The following UBA6 variants were observed in gnomAD, a reference collection of about 807,000 sequenced individuals.
The protein encoded by UBA6 is ubiquitin like modifier activating enzyme 6, also known as ubiquitin-like modifier-activating enzyme 6.
Under a neutral mutation model 148.3 loss-of-function variants are expected in UBA6, and 87 were observed. That is an observed-to-expected ratio of 0.59 (90% CI 0.49 to 0.70). UBA6 has a LOEUF of 0.70. Ranked by LOEUF, UBA6 falls within the 30% of genes least tolerant of loss-of-function variation. UBA6 has a pLI of 0.00. For synonymous variants in UBA6, 376 were observed against 401.0 expected (o/e 0.94, Z 0.75); for missense variants, 1,186 against 1,241.2 (o/e 0.96, Z 0.67).
At chr4:67,689,911 T>C (rs1393810244) in intron 2 of UBA6, among the ~76,000 whole-genome samples, 3 of 152,112 alleles carry the variant, frequency 2.0e-5, no homozygotes, top group Admixed American at 2.0e-4. Flanking sequence ...TTAGAAAAGC[T>C]CATGGTCTGA....
In UBA6 at chr4:67,652,478, T is replaced by C. The variant is rs546762457; in HGVS notation, c.1105-3267A>G. 2.6e-5 allele frequency among the ~76,000 whole-genome samples: 4 copies of C among 152,296 alleles called. No individual in the cohort carries two copies. In the South Asian group the frequency reaches 6.2e-4, roughly 24 times the overall value. On this transcript the variant is annotated intron_variant, in intron 13 of 32. Coordinates refer to ENST00000322244, the MANE Select transcript of UBA6 (RefSeq NM_018227.6). ...AGCACAACTGAAATTCTCATACACT[T>C]CTGGTGAGAATACAAAACGGTACAG...
At chr4:67,631,286 C>T (rs1173700907) in intron 25 of UBA6, among the ~76,000 whole-genome samples, 1 of 152,138 alleles carries the variant, frequency 6.6e-6, no homozygotes, top group Middle Eastern at 3.4e-3. Context: ...ATAGTGTTTC[C>T]AGGTATTCAC....
Position 67,618,902 on chromosome 4 carries a change from T to A in UBA6, c.*95A>T. On this transcript the variant is annotated 3_prime_UTR_variant, in exon 33 of 33. Coordinates refer to ENST00000322244, the MANE Select transcript of UBA6 (RefSeq NM_018227.6). ...AAATTAAGGCTTAATGAAAGAGAAA[T>A]CCATAGTATTATGAACTGATTTTCT... The A allele has an allele frequency of 1.6e-6, 2 of 1,223,082 alleles. No individual in the cohort carries two copies. The highest frequency in any genetic ancestry group is 2.3e-6 in the Non-Finnish European group (2 of 880,326). The allele number at this position is 1,223,082 out of a possible 1,614,324, so 75.8% of individuals were successfully genotyped here.
intron 13 of UBA6, among the ~76,000 whole-genome samples, chr4:67,653,064 T>C (rs1483335056): frequency 6.6e-6 from 1 of 152,190 alleles, no homozygotes; most frequent in Non-Finnish European, 1.5e-5. Context: ...CAGCAAGGCC[T>C]ACTGCCTCTA....
chr4:67,633,480 T>C lies in UBA6; in HGVS notation c.2014-7A>G, dbSNP rs745349573. On this transcript the variant is annotated splice_region_variant and splice_polypyrimidine_tract_variant and intron_variant, in intron 22 of 32. Coordinates refer to ENST00000322244, the MANE Select transcript of UBA6 (RefSeq NM_018227.6). ...TGTGTCCACTCTGTATCTTCTAGAA[T>C]GGGAGAGAAAAAAAAAATCAACATA... 4 of 1,571,720 alleles carry C rather than the reference T, an allele frequency of 2.5e-6. No individual in the cohort carries two copies. The highest frequency in any genetic ancestry group is 2.6e-6 in the Non-Finnish European group (3 of 1,168,170).
At chr4:67,678,009 G>A (rs1168522868) in intron 5 of UBA6, among the ~76,000 whole-genome samples, 2 of 146,360 alleles carry the variant, frequency 1.4e-5, no homozygotes, top group African/African-American at 2.5e-5. Flanking sequence ...CAACACTAAA[G>A]TCCTTCTTTA....
chr4:67,662,415 A>T, intron 12 of UBA6, 160 bp from the exon 13 acceptor site: 2 of 541,906 alleles, frequency 3.7e-6, no homozygotes, highest in South Asian at 6.2e-5. Flanking sequence ...ATTGGCTTAT[A>T]AATACATTAC....
At chr4:67,676,019 C>CTTT (rs397878783) in intron 6 of UBA6, among the ~76,000 whole-genome samples, 6 of 117,140 alleles carry the variant, frequency 5.1e-5, no homozygotes, top group Admixed American at 8.9e-5. Flanking sequence ...ATAGTACTAC[C>CTTT]TTTTTTTTTT....
At chr4:67,672,292 A>C (rs1730167268) in intron 7 of UBA6, among the ~76,000 whole-genome samples, 1 of 152,246 alleles carries the variant, frequency 6.6e-6, no homozygotes, top group Non-Finnish European at 1.5e-5. Flanking sequence ...AAGAATATAC[A>C]TATTCCATTG....
rs557228456 is a variant in UBA6 at position 67,669,929 on chromosome 4, C to T, written c.669+541G>A. Among the ~76,000 whole-genome samples, 4 of 151,270 alleles carry T rather than the reference C, an allele frequency of 2.6e-5. No individual in the cohort carries two copies. The East Asian group carries it at 7.8e-4, about 29-fold the overall frequency. On this transcript the variant is annotated intron_variant, in intron 8 of 32. Coordinates refer to ENST00000322244, the MANE Select transcript of UBA6 (RefSeq NM_018227.6). ...AAATTTATGACAAGCAAATGTTGCTCTATCAAGTATTATTATTATTTTTCT... is the reference window on the plus strand; with the variant it reads ...AAATTTATGACAAGCAAATGTTGCTTTATCAAGTATTATTATTATTTTTCT...
Position 67,644,699 on chromosome 4 carries a change from A to G in UBA6, c.1475T>C (p.Met492Thr). Reference sequence around the variant, plus strand: ...AACTCTCAAGAATTGATATCTTACCATTCCTTTCTCTTTGCTTGTGCCAAC... The same window carrying G: ...AACTCTCAAGAATTGATATCTTACCGTTCCTTTCTCTTTGCTTGTGCCAAC... ...LGVGTSKEKG[M>T]ITVTDPDLIE... The change falls in exon 17 of 33, where the codon ATG becomes ACG. Residue 492 changes from methionine (M) to threonine (T), a missense_variant and splice_region_variant. Transcript: ENST00000322244. The G allele has an allele frequency of 6.3e-7, 1 of 1,575,084 alleles. No individual in the cohort carries two copies. The highest frequency in any genetic ancestry group is 1.3e-5 in the African/African-American group (1 of 74,244).
rs149164582 is a variant in UBA6 at position 67,642,202 on chromosome 4, G to A, written c.1477-974C>T. ...TTCCCCTGTATTTTTGCCTTGTACT[G>A]GACTGACCAAGTTTTCTTGATTCCT... On this transcript the variant is annotated intron_variant, in intron 17 of 32. Coordinates refer to ENST00000322244, the MANE Select transcript of UBA6 (RefSeq NM_018227.6). Among the ~76,000 whole-genome samples the A allele has an allele frequency of 5.0e-4, 76 of 151,840 alleles. No individual in the cohort carries two copies. The East Asian group carries it at 0.014, about 29-fold the overall frequency.
chr4:67,632,043 A>ACT, intron 23 of UBA6, 135 bp from the exon 24 acceptor site: 1 of 773,012 alleles, frequency 1.3e-6, no homozygotes, highest in Non-Finnish European at 2.0e-6. Flanking sequence ...AAAGAGACAC[A>ACT]GTGAAGTCTC....
intron 7 of UBA6, among the ~76,000 whole-genome samples, chr4:67,672,051 C>T (rs1730161687): frequency 6.6e-6 from 1 of 152,020 alleles, no homozygotes; most frequent in Admixed American, 6.6e-5. Context: ...CTCTTCCCAA[C>T]TCTTTTGTCT....
chr4:67,635,837 T>G (rs767856072), intron 19 of UBA6, among the ~76,000 whole-genome samples: 1 of 152,214 alleles, frequency 6.6e-6, no homozygotes, highest in African/African-American at 2.4e-5. Flanking sequence ...TTGCTTTATA[T>G]TTCTTCTTTG....
intron 7 of UBA6, among the ~76,000 whole-genome samples, chr4:67,671,550 C>T (rs1274284487): frequency 6.6e-6 from 1 of 151,678 alleles, no homozygotes; most frequent in Non-Finnish European, 1.5e-5. Context: ...AATTTATAAC[C>T]TTGTGTAGTT....
intron 13 of UBA6, among the ~76,000 whole-genome samples, chr4:67,657,607 T>C (rs1217671748): frequency 7.2e-5 from 11 of 152,026 alleles, no homozygotes; most frequent in Admixed American, 7.2e-4. Flanking sequence ...ATTCAGAACA[T>C]AGGCATGGAG....
chr4:67,690,388 G>T (rs2109957763), intron 2 of UBA6, among the ~76,000 whole-genome samples: 1 of 152,210 alleles, frequency 6.6e-6, no homozygotes, highest in African/African-American at 2.4e-5. Context: ...TAACACTGGT[G>T]TTGGCACAGA....
At chr4:67,663,294 CATT>C in intron 11 of UBA6, 79 bp from the exon 12 acceptor site, 1 of 877,922 alleles carries the variant, frequency 1.1e-6, no homozygotes, top group African/African-American at 1.7e-5. Context: ...ACTTTTAAAA[CATT>C]ATTTAACCAT....
Sources: allele counts gnomAD v4.1 joint callset (sites outside exome capture counted in the v4.1 genomes callset), GRCh38; gene constraint gnomAD v4.1.1; transcripts MANE v1.5; gene names NCBI Gene and HGNC (gene_info 2026-07-23, HGNC 2026-07-21).